The following GUCY1A2 variants were observed in gnomAD, a reference collection of about 807,000 sequenced individuals.
GUCY1A2 encodes the protein guanylate cyclase soluble subunit alpha-2.
A neutral mutation model predicts 63.5 loss-of-function variants in GUCY1A2; 27 were observed. The ratio of observed to expected loss-of-function variants is 0.43; its 90% CI spans 0.31 to 0.59. GUCY1A2 has a LOEUF of 0.59. Ranked by LOEUF, GUCY1A2 falls within the 20% of genes least tolerant of loss-of-function variation. The probability of loss-of-function intolerance (pLI) is 0.11; values close to 1 mark genes in which losing one functional copy is unlikely to be tolerated. For synonymous variants in GUCY1A2, 364 were observed against 343.5 expected (o/e 1.06, Z -0.66); for missense variants, 768 against 913.3 (o/e 0.84, Z 2.05).
intron 2 of GUCY1A2, among the ~76,000 whole-genome samples, chr11:106,979,454 C>CAAAAAA (rs368315276): frequency 8.4e-5 from 5 of 59,398 alleles, no homozygotes; most frequent in Non-Finnish European, 9.9e-5. Context: ...GACTCCGTCT[C>CAAAAAA]AAAAAAAAAA....
chr11:106,956,983 G>A (rs1356546609), intron 3 of GUCY1A2, among the ~76,000 whole-genome samples: 1 of 152,170 alleles, frequency 6.6e-6, no homozygotes, highest in Non-Finnish European at 1.5e-5. Context: ...TCTAGCTGGA[G>A]TTATTGGAGA....
intron 4 of GUCY1A2, among the ~76,000 whole-genome samples, chr11:106,878,443 A>G (rs1000993664): frequency 3.3e-5 from 5 of 152,072 alleles, no homozygotes; most frequent in Admixed American, 6.6e-5. Flanking sequence ...ATACCATATA[A>G]CCATAAAAAA....
At chr11:106,688,557 TAAG>T (rs1862567859) in intron 7 of GUCY1A2, among the ~76,000 whole-genome samples, 1 of 152,096 alleles carries the variant, frequency 6.6e-6, no homozygotes. Context: ...TCTGTGAATA[TAAG>T]AAGTGGAACA....
At chr11:106,812,207 A>C (rs1007860581) in intron 4 of GUCY1A2, among the ~76,000 whole-genome samples, 3 of 151,906 alleles carry the variant, frequency 2.0e-5, no homozygotes, top group African/African-American at 7.2e-5. Flanking sequence ...ATAAGCGCAA[A>C]AACCTTGATA....
At chr11:106,951,458 ATTGTGC>A (rs527537606) in intron 3 of GUCY1A2, among the ~76,000 whole-genome samples, 120 of 152,124 alleles carry the variant, frequency 7.9e-4, no homozygotes, top group Non-Finnish European at 1.1e-3. Flanking sequence ...ATGGTATCTC[ATTGTGC>A]TTTTCATTTG....
chr11:106,865,125 G>A (rs1457991240), intron 4 of GUCY1A2, among the ~76,000 whole-genome samples: 1 of 151,908 alleles, frequency 6.6e-6, no homozygotes, highest in Admixed American at 6.6e-5. Flanking sequence ...TTAGTCTTAG[G>A]AGGGTGTATG....
At chr11:106,767,379 A>ACTAACTTATTAACTATT (rs1864182983) in intron 6 of GUCY1A2, among the ~76,000 whole-genome samples, 2 of 152,000 alleles carry the variant, frequency 1.3e-5, no homozygotes, top group South Asian at 4.1e-4. Flanking sequence ...TTTTTCTTTC[A>ACTAACTTATTAACTATT]CTAACTTATT....
Position 106,674,593 on chromosome 11 carries a change from T to C in GUCY1A2, c.*12956A>G, listed in dbSNP as rs147608346. 4.8e-5 allele frequency: 9 copies of C among 185,594 alleles called. No homozygotes were observed. The highest frequency in any genetic ancestry group is 2.0e-4 in the South Asian group (1 of 5,122). The allele number at this position is 185,594 out of a possible 1,614,324, so 11.5% of individuals were successfully genotyped here. A position where few individuals can be genotyped will look rare whatever the true frequency, so the allele number is the denominator to read the frequency against. ...AAAAATAGTTTGACATTTCAAAATA[T>C]ATGCAATTTAATCATGCCCTACATA... is the stretch of plus-strand genomic sequence containing the variant. On this transcript the variant is annotated 3_prime_UTR_variant, in exon 8 of 8. Transcript: ENST00000526355.
Position 106,861,570 on chromosome 11 carries a change from C to CTATGGT in GUCY1A2, c.1207-51098_1207-51093dup, listed in dbSNP as rs1385875169. Among the ~76,000 whole-genome samples, 3 of 152,052 alleles carry CTATGGT rather than the reference C, an allele frequency of 2.0e-5. No homozygotes were observed. In the East Asian group the frequency reaches 5.8e-4, roughly 29 times the overall value. ...GCTCTATCACTAAGAGTCATTACAG[C>CTATGGT]TATGGTTAGCAAGTTAAAGGGATGT... On this transcript the variant is annotated intron_variant, in intron 4 of 7. Coordinates refer to ENST00000526355, the MANE Select transcript of GUCY1A2 (RefSeq NM_000855.3).
intron 4 of GUCY1A2, among the ~76,000 whole-genome samples, chr11:106,853,233 A>G (rs1004274010): frequency 1.1e-4 from 17 of 152,148 alleles, no homozygotes; most frequent in Non-Finnish European, 5.9e-5. Flanking sequence ...GGTTTTCTAT[A>G]GCTTTGCCCA....
intron 4 of GUCY1A2, among the ~76,000 whole-genome samples, chr11:106,910,705 C>T (rs1021349617): frequency 3.9e-5 from 6 of 151,952 alleles, no homozygotes; most frequent in African/African-American, 1.4e-4. Flanking sequence ...TTACATTGGC[C>T]GAAATGACTT....
intron 5 of GUCY1A2, among the ~76,000 whole-genome samples, chr11:106,797,568 T>C (rs1864789686): frequency 6.6e-6 from 1 of 152,166 alleles, no homozygotes; most frequent in East Asian, 1.9e-4. Flanking sequence ...ACAAACTGTC[T>C]CTCAGACCAC....
chr11:106,733,916 A>T (rs183744865), intron 6 of GUCY1A2, among the ~76,000 whole-genome samples: 1 of 152,082 alleles, frequency 6.6e-6, no homozygotes, highest in Admixed American at 6.6e-5. Context: ...CTCCTAGGGG[A>T]GCATTCCTCT....
chr11:106,940,528 T>A (rs1860739215), intron 3 of GUCY1A2, among the ~76,000 whole-genome samples: 2 of 152,294 alleles, frequency 1.3e-5, no homozygotes, highest in Middle Eastern at 3.4e-3. Flanking sequence ...TGCCCCATTA[T>A]CATATCTCCC....
chr11:106,831,242 C>T (rs1859046497), intron 4 of GUCY1A2, among the ~76,000 whole-genome samples: 1 of 152,166 alleles, frequency 6.6e-6, no homozygotes, highest in Non-Finnish European at 1.5e-5. Flanking sequence ...TTTGCACTAG[C>T]AAAATGTCTC....
Position 107,017,870 on chromosome 11 carries a change from G to C in GUCY1A2, c.186C>G (p.Thr62=), listed in dbSNP as rs1861847383. 3.2e-6 allele frequency: 4 copies of C among 1,250,162 alleles called. No individual in the cohort carries two copies. Among genetic ancestry groups the C allele is most frequent in the Non-Finnish European group, 4.0e-6 (4 of 995,438 alleles). The allele number at this position is 1,250,162 out of a possible 1,614,324, so 77.4% of individuals were successfully genotyped here. Residue 62 remains threonine (T), a synonymous_variant, in exon 1 of 8, where the codon ACC becomes ACG. Transcript: ENST00000526355. ...AAAAAAAPAP[T]PAASAAAAAA... ...CGGCGGCGGCGGCAGAAGCAGCCGG[G>C]GTCGGGGCCGGGGCGGCGGCAGCGG...
At chr11:106,759,359 T>C (rs1179385489) in intron 6 of GUCY1A2, among the ~76,000 whole-genome samples, 1 of 151,858 alleles carries the variant, frequency 6.6e-6, no homozygotes, top group Non-Finnish European at 1.5e-5. Flanking sequence ...GGTAGCTCTG[T>C]ATGATGGAAG....
chr11:106,933,675 G>A (rs180872312), intron 4 of GUCY1A2, among the ~76,000 whole-genome samples: 19 of 152,210 alleles, frequency 1.2e-4, no homozygotes, highest in African/African-American at 4.6e-4. Flanking sequence ...TCACAATAGC[G>A]AAGACAGGGA....
chr11:107,016,885 CAAG>C (rs1286868704), intron 1 of GUCY1A2, among the ~76,000 whole-genome samples: 1 of 151,806 alleles, frequency 6.6e-6, no homozygotes, highest in African/African-American at 2.4e-5. Flanking sequence ...GGTACAGGTG[CAAG>C]AAGTACAGAG....
Sources: allele counts gnomAD v4.1 joint callset (sites outside exome capture counted in the v4.1 genomes callset), GRCh38; gene constraint gnomAD v4.1.1; transcripts MANE v1.5; gene names NCBI Gene and HGNC (gene_info 2026-07-23, HGNC 2026-07-21).